The following ABAT variants were observed in gnomAD, a reference collection of about 807,000 sequenced individuals.
The protein encoded by ABAT is 4-aminobutyrate aminotransferase.
Under a neutral mutation model 64.6 loss-of-function variants are expected in ABAT, and 45 were observed. The ratio of observed to expected loss-of-function variants is 0.70; its 90% CI spans 0.55 to 0.89. ABAT has a LOEUF of 0.89. Ranked by LOEUF, ABAT falls within the 40% of genes least tolerant of loss-of-function variation. ABAT has a pLI of 0.00. For missense variants in ABAT, 633 were observed against 658.4 expected (o/e 0.96, Z 0.42); for synonymous variants, 297 against 250.5 (o/e 1.19, Z -1.75).
chr16:8,711,084 A>G (rs1014553900), intron 1 of ABAT, among the ~76,000 whole-genome samples: 1 of 152,156 alleles, frequency 6.6e-6, no homozygotes, highest in Non-Finnish European at 1.5e-5. Context: ...AATGAGACAA[A>G]TTCCTTCAAG....
At chr16:8,687,368 C>CA (rs1413865139) in intron 1 of ABAT, among the ~76,000 whole-genome samples, 6 of 151,800 alleles carry the variant, frequency 4.0e-5, no homozygotes, top group South Asian at 2.1e-4. Flanking sequence ...ACTACAAATA[C>CA]AAAAAAAATT....
intron 1 of ABAT, among the ~76,000 whole-genome samples, chr16:8,675,405 G>A (rs751882650): frequency 1.3e-5 from 2 of 151,868 alleles, no homozygotes; most frequent in Non-Finnish European, 2.9e-5. Context: ...CAGGAGCAGG[G>A]CAAAGGTCTG....
intron 1 of ABAT, among the ~76,000 whole-genome samples, chr16:8,680,895 C>T (rs946929600): frequency 6.6e-6 from 1 of 152,048 alleles, no homozygotes; most frequent in African/African-American, 2.4e-5. Flanking sequence ...GTTCTTTGCC[C>T]ATTTTTGAAT....
chr16:8,697,124 G>A lies in ABAT; in HGVS notation c.-42+22413G>A, dbSNP rs1285626976. On this transcript the variant is annotated intron_variant, in intron 1 of 15. Transcript: ENST00000268251. ...TCTGAAAGCAGTGGGACTACTTTAAGTTGGGGTCAAGGAAGGCTGTTCTGA... is the reference window on the plus strand; with the variant it reads ...TCTGAAAGCAGTGGGACTACTTTAAATTGGGGTCAAGGAAGGCTGTTCTGA... 2.0e-5 allele frequency among the ~76,000 whole-genome samples: 3 copies of A among 152,210 alleles called. No individual in the cohort carries two copies. In the East Asian group the frequency reaches 5.8e-4, roughly 29 times the overall value.
intron 9 of ABAT, 81 bp downstream of exon 9, chr16:8,766,351 T>C: frequency 1.4e-6 from 2 of 1,407,212 alleles, no homozygotes; most frequent in Non-Finnish European, 2.0e-6. Flanking sequence ...TGGCTGGCAC[T>C]GTCCTCAATT....
chr16:8,768,507 C>G (rs932554811), intron 10 of ABAT, among the ~76,000 whole-genome samples: 1 of 152,202 alleles, frequency 6.6e-6, no homozygotes, highest in Non-Finnish European at 1.5e-5. Context: ...AAAGCCTGCG[C>G]TGCATCTGTG....
At chr16:8,722,278 C>T (rs57717886) in intron 1 of ABAT, among the ~76,000 whole-genome samples, 10,576 of 152,140 alleles carry the variant, frequency 0.07, 781 homozygotes, top group East Asian at 0.38. Context: ...TAAAACTTGA[C>T]GGGGGAAGAT....
chr16:8,701,833 TTGGGGAGTGGAA>T (rs534860804), intron 1 of ABAT, among the ~76,000 whole-genome samples: 51 of 151,770 alleles, frequency 3.4e-4, no homozygotes, highest in Non-Finnish European at 5.2e-4. Context: ...GAAGAGATTT[TTGGGGAGTGGAA>T]TGGGCAGGAG....
Position 8,772,855 on chromosome 16 carries a change from G to A in ABAT, c.892G>A (p.Glu298Lys), listed in dbSNP as rs1443323102. 2 of 1,614,106 alleles carry A rather than the reference G, an allele frequency of 1.2e-6. No homozygotes were observed. The highest frequency in any genetic ancestry group is 1.7e-6 in the Non-Finnish European group (2 of 1,180,020). Residue 298 changes from glutamate to lysine, a missense_variant, in exon 12 of 16, where the codon GAG becomes AAG. Transcript: ENST00000268251. Reference protein sequence around the residue: ...AGIIVEPIQSEGGDNHASDDF... With the variant: ...AGIIVEPIQSKGGDNHASDDF... ...GATCATCGTGGAGCCCATCCAGTCCGAGGGTGGAGACAACCACGCATCCGA... is the reference window on the plus strand; with the variant it reads ...GATCATCGTGGAGCCCATCCAGTCCAAGGGTGGAGACAACCACGCATCCGA...
chr16:8,773,434 G>A (rs1177139628), intron 12 of ABAT, among the ~76,000 whole-genome samples: 1 of 151,868 alleles, frequency 6.6e-6, no homozygotes, highest in East Asian at 1.9e-4. Context: ...TTACAGGCCT[G>A]AGCCACCACA....
At chr16:8,676,796 T>C (rs1464224457) in intron 1 of ABAT, among the ~76,000 whole-genome samples, 2 of 152,208 alleles carry the variant, frequency 1.3e-5, no homozygotes, top group Non-Finnish European at 2.9e-5. Context: ...CCCTCCCTCT[T>C]AGCCCCTGCC....
At chr16:8,721,677 C>T (rs953761159) in intron 1 of ABAT, among the ~76,000 whole-genome samples, 1 of 152,182 alleles carries the variant, frequency 6.6e-6, no homozygotes, top group Non-Finnish European at 1.5e-5. Flanking sequence ...GGAGCTGGTA[C>T]TTTTACTATG....
intron 1 of ABAT, among the ~76,000 whole-genome samples, chr16:8,730,833 C>T (rs79657352): frequency 0.08 from 12,109 of 152,280 alleles, 729 homozygotes; most frequent in Non-Finnish European, 0.11. Flanking sequence ...TATCTCTCAA[C>T]CCCAACGCTG....
chr16:8,741,982 G>A (rs1209423415), intron 2 of ABAT, among the ~76,000 whole-genome samples: 1 of 152,226 alleles, frequency 6.6e-6, no homozygotes, highest in African/African-American at 2.4e-5. Context: ...AGTAAAGACT[G>A]AATATGTGTT....
chr16:8,744,388 G>T (rs912944767), intron 2 of ABAT, among the ~76,000 whole-genome samples: 21 of 151,816 alleles, frequency 1.4e-4, no homozygotes, highest in Non-Finnish European at 2.5e-4. Context: ...TTTCTTTTGA[G>T]ATGGAGTCTC....
At chr16:8,720,192 C>G (rs2058327678) in intron 1 of ABAT, among the ~76,000 whole-genome samples, 1 of 152,204 alleles carries the variant, frequency 6.6e-6, no homozygotes. Context: ...TATGTACTTT[C>G]TTCAATTGAC....
chr16:8,689,953 C>G (rs1387701023), intron 1 of ABAT, among the ~76,000 whole-genome samples: 1 of 152,206 alleles, frequency 6.6e-6, no homozygotes, highest in African/African-American at 2.4e-5. Context: ...CCTAGAACAA[C>G]TATCCTAAGA....
At chr16:8,685,645 C>T (rs1226696860) in intron 1 of ABAT, among the ~76,000 whole-genome samples, 1 of 152,166 alleles carries the variant, frequency 6.6e-6, no homozygotes, top group Non-Finnish European at 1.5e-5. Context: ...CACTGCACTC[C>T]AGCCTGGGCA....
chr16:8,737,523 G>GC (rs2058983352), intron 2 of ABAT: 2 of 151,310 alleles, frequency 1.3e-5, no homozygotes, highest in Admixed American at 6.6e-5. Context: ...AAAAATTTTA[G>GC]ATTTACAGAG....
Sources: gnomAD v4.1 joint callset for allele counts (sites outside exome capture counted in the v4.1 genomes callset) on GRCh38, gnomAD v4.1.1 for gene constraint, MANE v1.5 for transcripts, NCBI Gene and HGNC (gene_info 2026-07-23, HGNC 2026-07-21) for gene names.